OPRM1: variants seen among roughly 807,000 people sequenced by gnomAD.
OPRM1 encodes the protein mu-type opioid receptor.
A neutral mutation model predicts 31.8 loss-of-function variants in OPRM1; 27 were observed. That is an observed-to-expected ratio of 0.85 (90% CI 0.63 to 1.17). The LOEUF is 1.17. Ranked by LOEUF, OPRM1 falls within the 50% of genes most tolerant of loss-of-function variation. The pLI is 0.00. For missense variants in OPRM1, 536 were observed against 511.1 expected, an observed-to-expected ratio of 1.05 and a Z score of -0.47; for synonymous variants, 196 against 189.9, an observed-to-expected ratio of 1.03 and a Z score of -0.26.
rs184943184 is a variant in OPRM1, at chr6:154,129,416, C to T, written c.*10695C>T. 6.6e-6 allele frequency among the ~76,000 whole-genome samples: 1 copy of T among 152,284 alleles called. No individual in the cohort carries two copies. Among genetic ancestry groups the T allele is most frequent in the African/African-American group, 2.4e-5 (1 of 41,552 alleles). ...GGTTTCGGGCCTGGCGCTGAGCTGC[C>T]TGTATTTGGTTTTACTTCCTTGTTG... On this transcript the variant is annotated 3_prime_UTR_variant, in exon 4 of 4. Transcript: ENST00000330432.
At chr6:154,090,910 A>T (rs757680607) in intron 2 of OPRM1, 42 bp from the exon 3 acceptor site, 1 of 1,565,652 alleles carries the variant, frequency 6.4e-7, no homozygotes, top group Non-Finnish European at 8.7e-7. Flanking sequence ...TGACATAATT[A>T]AATGTTGCTG....
intron 3 of OPRM1, among the ~76,000 whole-genome samples, chr6:154,095,496 T>C (rs2128492883): frequency 6.6e-6 from 1 of 152,310 alleles, no homozygotes; most frequent in South Asian, 2.1e-4. Flanking sequence ...ATATTCAAAA[T>C]AGGCCTTCTT....
At chr6:154,062,293 G>A (rs192894457) in intron 1 of OPRM1, among the ~76,000 whole-genome samples, 4 of 152,198 alleles carry the variant, frequency 2.6e-5, no homozygotes, top group Admixed American at 2.6e-4. Flanking sequence ...ATAAATCAAT[G>A]TTTGGAATTT....
intron 3 of OPRM1, among the ~76,000 whole-genome samples, chr6:154,230,257 G>A (rs774032364): frequency 2.0e-5 from 3 of 152,168 alleles, no homozygotes; most frequent in Non-Finnish European, 4.4e-5. Flanking sequence ...AGGTTCATCA[G>A]TTATAACAAA....
In OPRM1 at chr6:154,119,243, A is replaced by C. The variant is rs1481623135; in HGVS notation, c.*522A>C. 1.0e-6 allele frequency: 1 copy of C among 985,362 alleles called. No individual in the cohort carries two copies. The highest frequency in any genetic ancestry group is 1.7e-5 in the African/African-American group (1 of 57,254). The allele number at this position is 985,362 out of a possible 1,614,324, so 61.0% of individuals were successfully genotyped here. ...CTTAAAATTAGCATCTGGCTAAGGCATCATTTTCACCTCCATTTCTTGGTT... is the reference window on the plus strand; with the variant it reads ...CTTAAAATTAGCATCTGGCTAAGGCCTCATTTTCACCTCCATTTCTTGGTT... On this transcript the variant is annotated 3_prime_UTR_variant, in exon 4 of 4. Transcript: ENST00000330432.
chr6:154,215,892 T>C (rs542075834), intron 3 of OPRM1, among the ~76,000 whole-genome samples: 31 of 152,310 alleles, frequency 2.0e-4, no homozygotes, highest in African/African-American at 7.5e-4. Context: ...GCCTCAATAG[T>C]ATTTTGAGAA....
intron 1 of OPRM1, among the ~76,000 whole-genome samples, chr6:154,021,870 G>A (rs946689566): frequency 1.3e-5 from 2 of 151,026 alleles, no homozygotes; most frequent in African/African-American, 2.5e-5. Context: ...AACTCTTTCA[G>A]ATTTTCTACA....
At chr6:154,187,196 A>G (rs1007928609) in intron 3 of OPRM1, among the ~76,000 whole-genome samples, 3 of 152,024 alleles carry the variant, frequency 2.0e-5, no homozygotes, top group Admixed American at 6.5e-5. Context: ...TCGACTTATC[A>G]GAGAGATTTT....
chr6:154,086,755 G>T (rs992312468), intron 1 of OPRM1: 10 of 985,352 alleles, frequency 1.0e-5, no homozygotes, highest in Non-Finnish European at 1.2e-5. Flanking sequence ...GATAAGCCAC[G>T]AAATGTAAGG....
chr6:154,084,639 G>T (rs1434262715), intron 1 of OPRM1, among the ~76,000 whole-genome samples: 1 of 151,892 alleles, frequency 6.6e-6, no homozygotes, highest in South Asian at 2.1e-4. Context: ...TTTTTTTCTC[G>T]ACTAAAAAGG....
chr6:154,084,130 G>A (rs925431532), intron 1 of OPRM1, among the ~76,000 whole-genome samples: 1 of 151,972 alleles, frequency 6.6e-6, no homozygotes. Flanking sequence ...TCCCGTCGCA[G>A]GATTCAGAGG....
At chr6:154,213,026 C>G (rs923121539) in intron 3 of OPRM1, 1 of 586,226 alleles carries the variant, frequency 1.7e-6, no homozygotes, top group South Asian at 2.2e-5. Context: ...ACATAAGAGG[C>G]AGAAACAAAT....
intron 3 of OPRM1, among the ~76,000 whole-genome samples, chr6:154,176,619 G>A (rs1326355990): frequency 1.3e-5 from 2 of 152,158 alleles, no homozygotes; most frequent in Non-Finnish European, 2.9e-5. Flanking sequence ...CAAGGGATAT[G>A]AAGGACCTCC....
chr6:154,125,581 T>C lies in OPRM1; in HGVS notation c.*6860T>C, dbSNP rs1378810667. ...CTTCATATTGTCACATGCACTGTAA[T>C]AGGAATGTTTAGCAAAAAAAACCTT... On this transcript the variant is annotated 3_prime_UTR_variant, in exon 4 of 4. Coordinates refer to ENST00000330432, the MANE Select transcript of OPRM1 (RefSeq NM_000914.5). Among the ~76,000 whole-genome samples the C allele has an allele frequency of 6.6e-6, 1 of 152,202 alleles. No individual in the cohort carries two copies. The highest frequency in any genetic ancestry group is 1.5e-5 in the Non-Finnish European group (1 of 68,030).
intron 1 of OPRM1, among the ~76,000 whole-genome samples, chr6:154,057,351 A>G (rs1783515878): frequency 6.6e-6 from 1 of 152,226 alleles, no homozygotes. Flanking sequence ...TGAGAAAATT[A>G]AACAATTTTA....
chr6:154,231,042 T>C (rs1779673647), intron 3 of OPRM1, among the ~76,000 whole-genome samples: 1 of 152,196 alleles, frequency 6.6e-6, no homozygotes. Flanking sequence ...AATCTATTGT[T>C]TTCTCAGTTA....
intron 3 of OPRM1, among the ~76,000 whole-genome samples, chr6:154,195,432 C>T (rs1157072056): frequency 6.6e-6 from 1 of 152,128 alleles, no homozygotes; most frequent in Non-Finnish European, 1.5e-5. Context: ...CAGGTGTGAG[C>T]CACCGTGCCT....
chr6:154,022,912 G>C (rs1778462010), intron 1 of OPRM1, among the ~76,000 whole-genome samples: 1 of 152,118 alleles, frequency 6.6e-6, no homozygotes. Flanking sequence ...TGGTCTATGT[G>C]TCTGTTTTTA....
chr6:154,015,495 C>T (rs1294089), intron 1 of OPRM1, among the ~76,000 whole-genome samples: 53,412 of 151,690 alleles, frequency 0.35, 9,830 homozygotes, highest in Admixed American at 0.51. Context: ...TTACATCATA[C>T]ATGAGAATAA....
Sources: allele counts gnomAD v4.1 joint callset (sites outside exome capture counted in the v4.1 genomes callset), GRCh38; gene constraint gnomAD v4.1.1; transcripts MANE v1.5; gene names NCBI Gene and HGNC (gene_info 2026-07-23, HGNC 2026-07-21).